The following INPP5D variants were observed in gnomAD, a reference collection of about 807,000 sequenced individuals.
The protein encoded by INPP5D is inositol polyphosphate-5-phosphatase D, also known as phosphatidylinositol 3,4,5-trisphosphate 5-phosphatase 1.
Under a neutral mutation model 122.9 loss-of-function variants are expected in INPP5D, and 33 were observed. The ratio of observed to expected loss-of-function variants is 0.27; its 90% CI spans 0.20 to 0.36. The LOEUF is 0.36. Among genes scored for constraint, INPP5D ranks in the 10% least tolerant of loss-of-function variants. INPP5D has a pLI of 1.00. For synonymous variants in INPP5D, 584 were observed against 576.2 expected (o/e 1.01, Z -0.19); for missense variants, 1,053 against 1,412.7 (o/e 0.75, Z 4.08).
intron 25 of INPP5D, among the ~76,000 whole-genome samples, chr2:233,199,188 A>G (rs530146070): frequency 6.6e-6 from 1 of 151,930 alleles, no homozygotes; most frequent in South Asian, 2.1e-4. Context: ...CAGTGAGCCA[A>G]GATTGCACCA....
At position 233,207,082 on chromosome 2, in the gene INPP5D, G is replaced by A. The variant is rs1236952271; in HGVS notation, c.*374G>A. On this transcript the variant is annotated 3_prime_UTR_variant, in exon 27 of 27. Coordinates refer to ENST00000445964, the MANE Select transcript of INPP5D (RefSeq NM_001017915.3). This position sits in a 1 kb window ranked among gnomAD's most constrained non-coding sequence, Gnocchi z 4.6. The stretch of plus-strand genomic sequence containing the variant: ...AATAATAATAATGGCCACATGGATC[G>A]AACACTCATGATGTGCCAAGTGCTG... 3 of 203,818 alleles carry A rather than the reference G, an allele frequency of 1.5e-5. No homozygotes were observed. The highest frequency in any genetic ancestry group is 1.5e-4 in the South Asian group (2 of 13,354). 12.6% of individuals were successfully genotyped at this position (203,818 alleles called of 1,614,324 possible).
At chr2:233,132,994 G>A (rs767713494) in intron 5 of INPP5D, among the ~76,000 whole-genome samples, 4 of 150,834 alleles carry the variant, frequency 2.7e-5, no homozygotes, top group African/African-American at 4.9e-5. Context: ...GCTCAAGTGA[G>A]CCTCCCACCT....
chr2:233,144,691 G>A (rs915902645), intron 6 of INPP5D, among the ~76,000 whole-genome samples: 876 of 66,214 alleles, frequency 0.013, 27 homozygotes, highest in African/African-American at 0.027. Context: ...GGTGAGGGTG[G>A]AGGTGGTAGT....
intron 3 of INPP5D, 135 bp downstream of exon 3, chr2:233,122,392 A>T (rs1469634336): frequency 1.1e-6 from 1 of 910,168 alleles, no homozygotes; most frequent in Non-Finnish European, 1.6e-6. Flanking sequence ...CAAGTTAGGA[A>T]CACAGGCTCT....
chr2:233,143,474 GATAA>G (rs1445181037), intron 6 of INPP5D, among the ~76,000 whole-genome samples: 7 of 152,130 alleles, frequency 4.6e-5, no homozygotes, highest in African/African-American at 9.7e-5. Flanking sequence ...TTATTTATGA[GATAA>G]ATAACCCTAA....
At chr2:233,124,421 C>T (rs936487577) in intron 3 of INPP5D, among the ~76,000 whole-genome samples, 3 of 152,222 alleles carry the variant, frequency 2.0e-5, no homozygotes, top group African/African-American at 7.2e-5. Context: ...TGCAGCTGTT[C>T]GTTTCCAAAA....
intron 2 of INPP5D, among the ~76,000 whole-genome samples, chr2:233,102,044 T>A (rs899414697): frequency 6.6e-6 from 1 of 151,864 alleles, no homozygotes; most frequent in Non-Finnish European, 1.5e-5. Flanking sequence ...CTCTGTTAGT[T>A]CGTTAAACCA....
At chr2:233,178,994 TCTC>T (rs1489603900) in intron 18 of INPP5D, among the ~76,000 whole-genome samples, 31 of 152,136 alleles carry the variant, frequency 2.0e-4, no homozygotes, top group Non-Finnish European at 1.5e-5. Flanking sequence ...CCAGTGCCTG[TCTC>T]CTCCTACTGC....
intron 2 of INPP5D, among the ~76,000 whole-genome samples, chr2:233,121,097 ATTTCTTTCTTTC>A (rs139862941): frequency 8.2e-5 from 11 of 134,148 alleles, no homozygotes; most frequent in Non-Finnish European, 1.8e-4. Context: ...ATTACAGGTG[ATTTCTTTCTTTC>A]TTTCTTTCTT....
rs70958387 is a variant in INPP5D at position 233,164,445 on chromosome 2, G to C, written c.1555+21G>C. ...ACTGGGTGAGCAGGGCGGGGACCCT[G>C]TGTTCCTCCCACACCCTCTGCCTCA... is the stretch of plus-strand genomic sequence containing the variant. On this transcript the variant is annotated intron_variant, in intron 13 of 26. Transcript: ENST00000445964. The surrounding 1 kb of genome is among the most constrained non-coding windows in gnomAD (Gnocchi z 4.3). 2.0e-6 allele frequency: 3 copies of C among 1,533,228 alleles called. No homozygotes were observed. Among genetic ancestry groups the C allele is most frequent in the Non-Finnish European group, 2.6e-6 (3 of 1,134,620 alleles). 95.0% of individuals were successfully genotyped at this position (1,533,228 alleles called of 1,614,324 possible).
At chr2:233,113,583 T>A (rs1574736534) in intron 2 of INPP5D, among the ~76,000 whole-genome samples, 1 of 152,110 alleles carries the variant, frequency 6.6e-6, no homozygotes, top group African/African-American at 2.4e-5. Flanking sequence ...TCTTCCCAAA[T>A]CTGTCCCCCA....
Position 233,150,908 on chromosome 2 carries a change from G to A in INPP5D, c.1030+3314G>A, listed in dbSNP as rs190153483. Reference sequence around the variant, plus strand: ...TTTTGCCAAGCATGAGGCAGGGGAGGGCACTGGTACTGAGAGAATGGGGTG... The same window carrying A: ...TTTTGCCAAGCATGAGGCAGGGGAGAGCACTGGTACTGAGAGAATGGGGTG... On this transcript the variant is annotated intron_variant, in intron 9 of 26. Transcript: ENST00000445964. Among the ~76,000 whole-genome samples the A allele has an allele frequency of 1.1e-3, 161 of 152,226 alleles. 1 individual carries two copies. The highest frequency in any genetic ancestry group is 3.7e-3 in the African/African-American group (152 of 41,522).
In INPP5D at chr2:233,065,580, C is replaced by CTTCTTTGTTTCT. The variant is rs1202054837; in HGVS notation, c.134+4974_134+4975insGTTTCTTTCTTT. On this transcript the variant is annotated intron_variant, in intron 1 of 26. Coordinates refer to ENST00000445964, the MANE Select transcript of INPP5D (RefSeq NM_001017915.3). The stretch of plus-strand genomic sequence containing the variant: ...CCCAGCCTTTTTCTTTCTTTCTTTC[C>CTTCTTTGTTTCT]TTCTTTCTTTCTTTCTTTCTTTCTT... Among the ~76,000 whole-genome samples, 10 of 13,262 alleles carry CTTCTTTGTTTCT rather than the reference C, an allele frequency of 7.5e-4. 3 individuals are homozygous for CTTCTTTGTTTCT. The highest frequency in any genetic ancestry group is 4.2e-3 in the African/African-American group (10 of 2,366). The allele number at this position is 13,262 out of a possible 152,430, so 8.7% of individuals were successfully genotyped here. A position where few individuals can be genotyped will look rare whatever the true frequency, so the allele number is the denominator to read the frequency against.
chr2:233,109,601 T>C (rs144347447), intron 2 of INPP5D, among the ~76,000 whole-genome samples: 2,601 of 152,274 alleles, frequency 0.017, 61 homozygotes, highest in African/African-American at 0.055. Flanking sequence ...GTTGTTGAGA[T>C]GGAATCTCGC....
intron 5 of INPP5D, among the ~76,000 whole-genome samples, chr2:233,137,862 A>ATG (rs1559313320): frequency 4.0e-5 from 1 of 25,138 alleles, no homozygotes; most frequent in African/African-American, 1.5e-4. Context: ...AAATATATAT[A>ATG]TATATATATA....
intron 2 of INPP5D, among the ~76,000 whole-genome samples, chr2:233,120,353 G>A (rs997605749): frequency 1.8e-4 from 28 of 151,980 alleles, no homozygotes; most frequent in Admixed American, 1.2e-3. Context: ...GTGTGGTGGC[G>A]GGCACCTGTA....
Position 233,182,499 on chromosome 2 carries a change from G to A in INPP5D, c.2161G>A (p.Gly721Ser), listed in dbSNP as rs757537275. Residue 721 changes from glycine to serine, a missense_variant and splice_region_variant, in exon 19 of 27, where the codon GGT (glycine) becomes AGT (serine). This residue lies in a region of INPP5D where 258 missense variants were observed against 439.1 expected (regional missense o/e 0.59). Coordinates refer to ENST00000445964, the MANE Select transcript of INPP5D (RefSeq NM_001017915.3). ...CACTTCCCAGTTTGTCTCCAAGAACGGTAAGCAAAGGATGGTGTCTGTTTC... is the reference window on the plus strand; with the variant it reads ...CACTTCCCAGTTTGTCTCCAAGAACAGTAAGCAAAGGATGGTGTCTGTTTC... Reference protein sequence around the residue: ...GVTSQFVSKNGPGTVDSQGQI... With the variant: ...GVTSQFVSKNSPGTVDSQGQI... 1.3e-5 allele frequency: 21 copies of A among 1,613,122 alleles called. No individual in the cohort carries two copies. The highest frequency in any genetic ancestry group is 9.9e-5 in the South Asian group (9 of 91,040).
At chr2:233,139,566 A>T (rs1693590729) in intron 5 of INPP5D, among the ~76,000 whole-genome samples, 1 of 151,996 alleles carries the variant, frequency 6.6e-6, no homozygotes, top group Non-Finnish European at 1.5e-5. Context: ...TGTCACTCAG[A>T]TTTGAATTTT....
chr2:233,108,501 G>A (rs919742001), intron 2 of INPP5D, among the ~76,000 whole-genome samples: 4 of 152,250 alleles, frequency 2.6e-5, no homozygotes, highest in Admixed American at 2.6e-4. Flanking sequence ...CACATCTGAT[G>A]ATCAGTCAAC....
Sources: allele counts gnomAD v4.1 joint callset (sites outside exome capture counted in the v4.1 genomes callset), GRCh38; gene constraint gnomAD v4.1.1; regional missense constraint gnomAD v4.1.1; non-coding constraint Gnocchi (gnomAD v3.1); transcripts MANE v1.5; gene names NCBI Gene and HGNC (gene_info 2026-07-23, HGNC 2026-07-21).